The following VWA3B variants were observed in gnomAD, a reference collection of about 807,000 sequenced individuals.
VWA3B encodes von Willebrand factor A domain-containing protein 3B.
Under a neutral mutation model 158.3 loss-of-function variants are expected in VWA3B, and 138 were observed. The ratio of observed to expected loss-of-function variants is 0.87; its 90% CI spans 0.76 to 1.00. VWA3B has a LOEUF of 1.00. Among genes scored for constraint, VWA3B ranks in the 50% least tolerant of loss-of-function variants. The probability of loss-of-function intolerance (pLI) is 0.00; values close to 1 mark genes in which losing one functional copy is unlikely to be tolerated. For missense variants in VWA3B, 1,555 were observed against 1,565.1 expected (o/e 0.99, Z 0.11); for synonymous variants, 596 against 587.3 (o/e 1.01, Z -0.21).
chr2:98,202,825 A>G (rs576633423), intron 12 of VWA3B, among the ~76,000 whole-genome samples: 13 of 151,634 alleles, frequency 8.6e-5, no homozygotes, highest in Admixed American at 7.9e-4. Context: ...GTTGAGGTTT[A>G]TTTATTTATT....
At chr2:98,138,932 C>T (rs1676501777) in intron 7 of VWA3B, among the ~76,000 whole-genome samples, 1 of 152,254 alleles carries the variant, frequency 6.6e-6, no homozygotes, top group Admixed American at 6.5e-5. Flanking sequence ...TCCGCCGCTG[C>T]ACTGTGGGAG....
chr2:98,179,604 A>G (rs943671751), intron 8 of VWA3B, among the ~76,000 whole-genome samples: 2 of 152,020 alleles, frequency 1.3e-5, no homozygotes, highest in Admixed American at 1.3e-4. Context: ...TTTCCACCAC[A>G]TTACAGAGCA....
Position 98,133,812 on chromosome 2 carries a change from T to C in VWA3B, c.873-12T>C, listed in dbSNP as rs767627807. On this transcript the variant is annotated splice_polypyrimidine_tract_variant and intron_variant, in intron 6 of 27. Coordinates refer to ENST00000477737, the MANE Select transcript of VWA3B (RefSeq NM_144992.5). The stretch of plus-strand genomic sequence containing the variant: ...GTACTGCCTTCCTAATGAGCATCTC[T>C]TCACGTTTCAGATTCCACGCATTTG... 6.2e-7 allele frequency: 1 copy of C among 1,613,250 alleles called. No individual in the cohort carries two copies. Among genetic ancestry groups the C allele is most frequent in the Admixed American group, 1.7e-5 (1 of 60,032 alleles).
At chr2:98,255,515 G>A (rs943590764) in intron 20 of VWA3B, among the ~76,000 whole-genome samples, 31 of 152,000 alleles carry the variant, frequency 2.0e-4, no homozygotes, top group African/African-American at 7.3e-4. Flanking sequence ...TACCCTGTAG[G>A]AACCACTAGC....
chr2:98,209,982 T>C (rs1683370655), intron 12 of VWA3B, among the ~76,000 whole-genome samples: 1 of 152,152 alleles, frequency 6.6e-6, no homozygotes, highest in East Asian at 1.9e-4. Context: ...AATTCCTGTT[T>C]GGTGCTGTCT....
intron 19 of VWA3B, among the ~76,000 whole-genome samples, chr2:98,241,097 C>T (rs1290964789): frequency 1.3e-5 from 2 of 152,056 alleles, no homozygotes; most frequent in African/African-American, 2.4e-5. Context: ...GGAGATGTCC[C>T]TCACCTGGCT....
intron 13 of VWA3B, 85 bp downstream of exon 13, chr2:98,212,113 C>G (rs1683579042): frequency 8.4e-7 from 1 of 1,191,106 alleles, no homozygotes; most frequent in Admixed American, 2.0e-5. Flanking sequence ...ACCTTTTCAG[C>G]TGCCACCAAA....
At chr2:98,278,991 G>A (rs1688707235) in intron 22 of VWA3B, among the ~76,000 whole-genome samples, 1 of 152,210 alleles carries the variant, frequency 6.6e-6, no homozygotes, top group Non-Finnish European at 1.5e-5. Context: ...TCCTCAGACA[G>A]CACTGCAGTG....
At chr2:98,229,415 G>A (rs758636306) in intron 15 of VWA3B, among the ~76,000 whole-genome samples, 3 of 152,338 alleles carry the variant, frequency 2.0e-5, no homozygotes, top group East Asian at 3.9e-4. Context: ...GAGGGCACAC[G>A]TCACAGTGTT....
intron 5 of VWA3B, among the ~76,000 whole-genome samples, chr2:98,127,663 C>T (rs528966967): frequency 1.4e-5 from 2 of 144,820 alleles, no homozygotes; most frequent in South Asian, 2.2e-4. Context: ...CCTGGTTTGG[C>T]GGCAAGAAGC....
intron 21 of VWA3B, among the ~76,000 whole-genome samples, chr2:98,265,919 A>T (rs199526325): frequency 0.21 from 22,603 of 110,136 alleles, 1,907 homozygotes; most frequent in Admixed American, 0.35. Context: ...AATTTGTTTG[A>T]GTTCATTGTA....
intron 9 of VWA3B, among the ~76,000 whole-genome samples, chr2:98,184,060 C>T (rs1477673603): frequency 1.3e-5 from 2 of 152,212 alleles, no homozygotes; most frequent in African/African-American, 4.8e-5. Flanking sequence ...GGTTAGGTAA[C>T]TCGCTTGAGA....
intron 9 of VWA3B, 26 bp downstream of exon 9, chr2:98,181,238 G>A (rs1302868665): frequency 2.5e-6 from 4 of 1,605,608 alleles, no homozygotes; most frequent in Non-Finnish European, 2.6e-6. Context: ...TCCTGGGAGG[G>A]GCTGGGGCCT....
At chr2:98,284,786 T>A (rs1477309785) in intron 22 of VWA3B, among the ~76,000 whole-genome samples, 1 of 152,134 alleles carries the variant, frequency 6.6e-6, no homozygotes, top group Admixed American at 6.5e-5. Flanking sequence ...CTAATTTCTT[T>A]AAGAGACTCA....
At chr2:98,219,029 A>G (rs1357729740) in intron 14 of VWA3B, among the ~76,000 whole-genome samples, 1 of 152,236 alleles carries the variant, frequency 6.6e-6, no homozygotes, top group Admixed American at 6.5e-5. Flanking sequence ...GTTTCCAACT[A>G]ACTTAACTGC....
At chr2:98,241,422 C>T (rs1213513618) in intron 19 of VWA3B, among the ~76,000 whole-genome samples, 4 of 151,466 alleles carry the variant, frequency 2.6e-5, no homozygotes, top group East Asian at 1.9e-4. Context: ...GTTGGAGAGG[C>T]GGGCAGTCAG....
intron 3 of VWA3B, among the ~76,000 whole-genome samples, 197 bp from the exon 4 acceptor site, chr2:98,119,316 A>T (rs998102973): frequency 6.6e-6 from 1 of 151,912 alleles, no homozygotes; most frequent in Non-Finnish European, 1.5e-5. Flanking sequence ...TGAATAGATC[A>T]TATTATCATC....
At position 98,300,213 on chromosome 2, in the gene VWA3B, G is replaced by C; in HGVS notation, c.3417G>C (p.Arg1139=). 6.2e-7 allele frequency: 1 copy of C among 1,614,050 alleles called. No homozygotes were observed. The highest frequency in any genetic ancestry group is 8.5e-7 in the Non-Finnish European group (1 of 1,180,010). Residue 1139 remains arginine, a synonymous_variant, in exon 25 of 28, where the codon CGG becomes CGC. Coordinates refer to ENST00000477737, the MANE Select transcript of VWA3B (RefSeq NM_144992.5). The part of the protein sequence containing the change: ...KFYTVLKCNN[R]REFCPRSALI... ...ACACAGTTTTGAAGTGTAACAACCG[G>C]AGAGTAAGTAGATTTTCATTTAGAA...
chr2:98,206,762 G>C, intron 12 of VWA3B: 1 of 333,372 alleles, frequency 3.0e-6, no homozygotes, highest in Admixed American at 3.9e-5. Flanking sequence ...GGGCTTTTTA[G>C]TGGTGTTGGA....
Sources: gnomAD v4.1 joint callset for allele counts (sites outside exome capture counted in the v4.1 genomes callset) on GRCh38, gnomAD v4.1.1 for gene constraint, MANE v1.5 for transcripts, NCBI Gene and HGNC (gene_info 2026-07-23, HGNC 2026-07-21) for gene names.